Variants in HMCN1 observed in about 807,000 individuals in gnomAD.
The protein encoded by HMCN1 is hemicentin-1.
Under a neutral mutation model 625.9 loss-of-function variants are expected in HMCN1, and 321 were observed. The observed-to-expected ratio is 0.51, with a 90% CI of 0.47 to 0.56. HMCN1 has a LOEUF of 0.56. HMCN1 is among the 20% of genes least tolerant of loss of function. The probability of loss-of-function intolerance (pLI) is 0.00; values close to 1 mark genes in which losing one functional copy is unlikely to be tolerated. For synonymous variants in HMCN1, 2,425 were observed against 2,417.6 expected, an observed-to-expected ratio of 1.00 and a Z score of -0.09; for missense variants, 6,588 against 6,887.3, an observed-to-expected ratio of 0.96 and a Z score of 1.54.
At position 186,144,420 on chromosome 1, in the gene HMCN1, C is replaced by T. The variant is rs574704844; in HGVS notation, c.14095+77C>T. ...ATCTAGGTAGTATGTCAACAAGAAT[C>T]TATCCCATTCTAACTGTGCCCACAA... On this transcript the variant is annotated intron_variant, in intron 90 of 106. Transcript: ENST00000271588. 2.0e-5 allele frequency: 32 copies of T among 1,597,876 alleles called. No homozygotes were observed. In the East Asian group the frequency reaches 6.5e-4, roughly 32 times the overall value.
rs1651797758 is a variant in HMCN1, at chr1:186,165,133, C to T, written c.15279C>T (p.Pro5093=). ...ISKGDRSNQC[P]SGFTLDSVGP... ...TAGGAGATCGCAGTAATCAGTGCCC[C>T]TCCGGGTTTACCTTAGACTCAGTTG... Residue 5093 remains proline, a synonymous_variant, in exon 98 of 107, where the codon CCC becomes CCT. Transcript: ENST00000271588. 6.2e-7 allele frequency: 1 copy of T among 1,614,080 alleles called. No individual in the cohort carries two copies. Among genetic ancestry groups the T allele is most frequent in the Admixed American group, 1.7e-5 (1 of 60,028 alleles).
chr1:186,181,021 G>A (rs751558355), intron 104 of HMCN1, among the ~76,000 whole-genome samples: 3 of 152,154 alleles, frequency 2.0e-5, no homozygotes, highest in Admixed American at 6.6e-5. Flanking sequence ...TGATTCTAAA[G>A]CATAACAGGA....
intron 4 of HMCN1, among the ~76,000 whole-genome samples, chr1:185,893,783 C>T (rs1571517992): frequency 6.6e-6 from 1 of 152,194 alleles, no homozygotes; most frequent in Admixed American, 6.5e-5. Context: ...TTAAACTTTT[C>T]ATTGAAGAAT....
At chr1:185,813,006 AT>A (rs1397502568) in intron 1 of HMCN1, among the ~76,000 whole-genome samples, 1 of 152,150 alleles carries the variant, frequency 6.6e-6, no homozygotes. Context: ...GGACTTCCTG[AT>A]TGCATCTGAT....
chr1:186,031,210 A>C (rs1655411471), intron 36 of HMCN1, among the ~76,000 whole-genome samples: 1 of 151,966 alleles, frequency 6.6e-6, no homozygotes, highest in Non-Finnish European at 1.5e-5. Flanking sequence ...TCTTCCTAGA[A>C]TTCATTGCTT....
chr1:186,049,585 A>G (rs1656813329), intron 42 of HMCN1, among the ~76,000 whole-genome samples: 1 of 151,868 alleles, frequency 6.6e-6, no homozygotes, highest in South Asian at 2.1e-4. Context: ...AAGCATTCCT[A>G]TTTCCAGTAC....
chr1:185,861,200 G>A (rs1258823063), intron 2 of HMCN1, among the ~76,000 whole-genome samples: 1 of 152,084 alleles, frequency 6.6e-6, no homozygotes, highest in Non-Finnish European at 1.5e-5. Context: ...CAAGTCAAAC[G>A]GCTCAGAGAG....
At position 186,125,344 on chromosome 1, in the gene HMCN1, C is replaced by A. The variant is rs533093845; in HGVS notation, c.12500-260C>A. ...GGGAAGCCAAATAAAATCTAAAGAT[C>A]TTCTACCCAGTTCTGTCATTTGCTC... On this transcript the variant is annotated intron_variant, in intron 81 of 106. Coordinates refer to ENST00000271588, the MANE Select transcript of HMCN1 (RefSeq NM_031935.3). Among the ~76,000 whole-genome samples the A allele has an allele frequency of 7.9e-5, 12 of 152,176 alleles. No individual in the cohort carries two copies. The East Asian group carries it at 2.3e-3, about 29-fold the overall frequency.
chr1:186,096,962 T>C (rs529411853), intron 68 of HMCN1, among the ~76,000 whole-genome samples: 1 of 152,248 alleles, frequency 6.6e-6, no homozygotes, highest in South Asian at 2.1e-4. Flanking sequence ...GTTGAAAGCC[T>C]TTCCTACAAG....
At chr1:186,122,904 A>G (rs570155122) in intron 80 of HMCN1, 47 bp from the exon 81 acceptor site, 9 of 1,596,962 alleles carry the variant, frequency 5.6e-6, no homozygotes, top group Middle Eastern at 2.2e-4. Flanking sequence ...TTGCGCACTC[A>G]TGCTTCTAAG....
intron 11 of HMCN1, among the ~76,000 whole-genome samples, chr1:185,940,536 C>T (rs187056176): frequency 9.2e-5 from 14 of 152,286 alleles, no homozygotes; most frequent in Non-Finnish European, 1.6e-4. Context: ...AAAAAATAGA[C>T]CTTCTTTCTC....
chr1:185,997,412 A>G lies in HMCN1; in HGVS notation c.3779-17A>G. ...GCTCAAAGAAAGCCTGTGATAATGCATTTATTTTCCTAATAGAACCACCCA... is the reference window on the plus strand; with the variant it reads ...GCTCAAAGAAAGCCTGTGATAATGCGTTTATTTTCCTAATAGAACCACCCA... On this transcript the variant is annotated splice_polypyrimidine_tract_variant and intron_variant, in intron 24 of 106. Coordinates refer to ENST00000271588, the MANE Select transcript of HMCN1 (RefSeq NM_031935.3). 3 of 1,541,922 alleles carry G rather than the reference A, an allele frequency of 1.9e-6. No homozygotes were observed. Among genetic ancestry groups the G allele is most frequent in the South Asian group, 2.2e-5 (2 of 89,650 alleles).
chr1:186,093,066 G>T, intron 64 of HMCN1, 68 bp from the exon 65 acceptor site: 1 of 1,600,202 alleles, frequency 6.2e-7, no homozygotes, highest in Middle Eastern at 1.7e-4. Context: ...GATTTTAATA[G>T]GCTTTCATGT....
chr1:186,045,634 G>A lies in HMCN1; in HGVS notation c.6305-54G>A, dbSNP rs541789189. 8.3e-6 allele frequency: 11 copies of A among 1,327,736 alleles called. No homozygotes were observed. The South Asian group carries it at 1.2e-4, about 14-fold the overall frequency. The allele number at this position is 1,327,736 out of a possible 1,614,324, so 82.2% of individuals were successfully genotyped here. A position where few individuals can be genotyped will look rare whatever the true frequency, so the allele number is the denominator to read the frequency against. ...GTATATGTCCTGATAATTGATGAAT[G>A]TAAACAGTGTGCTGGCCTGTTTTAT... On this transcript the variant is annotated intron_variant, in intron 40 of 106. Coordinates refer to ENST00000271588, the MANE Select transcript of HMCN1 (RefSeq NM_031935.3).
chr1:185,968,867 T>A (rs1045743795), intron 14 of HMCN1, among the ~76,000 whole-genome samples: 7 of 152,176 alleles, frequency 4.6e-5, no homozygotes, highest in African/African-American at 1.7e-4. Flanking sequence ...AATAATTTGA[T>A]GAGTAACTTT....
chr1:186,087,522 G>T lies in HMCN1; in HGVS notation c.9240G>T (p.Glu3080Asp), dbSNP rs751644894. ...NVREGTSVSL[E>D]CESNAVPPPV... ...GAGAGGGAACTTCTGTGTCTTTGGAGTGTGAGTCGAACGCTGTGCCACCTC... is the reference window on the plus strand; with the variant it reads ...GAGAGGGAACTTCTGTGTCTTTGGATTGTGAGTCGAACGCTGTGCCACCTC... The change falls in exon 60 of 107, where the codon GAG (glutamate) becomes GAT (aspartate). Residue 3080 changes from glutamate to aspartate, a missense_variant. Physicochemically the swap from Glu to Asp is conservative, Grantham distance 45. Coordinates refer to ENST00000271588, the MANE Select transcript of HMCN1 (RefSeq NM_031935.3). 2 of 1,613,246 alleles carry T rather than the reference G, an allele frequency of 1.2e-6. No homozygotes were observed. The highest frequency in any genetic ancestry group is 1.3e-5 in the African/African-American group (1 of 74,856).
chr1:185,819,334 T>C lies in HMCN1; in HGVS notation c.269-26692T>C, dbSNP rs186748881. 7.6e-4 allele frequency among the ~76,000 whole-genome samples: 116 copies of C among 152,292 alleles called. 1 individual carries two copies. Among genetic ancestry groups the C allele is most frequent in the South Asian group, 4.1e-4 (2 of 4,830 alleles). On this transcript the variant is annotated intron_variant, in intron 1 of 106. Coordinates refer to ENST00000271588, the MANE Select transcript of HMCN1 (RefSeq NM_031935.3). ...GTCTTTTTCTAAACATTGAGGACCA[T>C]TGTAGGCATTTTCTTGATTTTAAAA...
chr1:185,924,885 G>A (rs970511664), intron 8 of HMCN1, among the ~76,000 whole-genome samples, 162 bp from the exon 9 acceptor site: 12 of 151,968 alleles, frequency 7.9e-5, no homozygotes, highest in African/African-American at 2.9e-4. Flanking sequence ...AACAAATAAA[G>A]ATAGAAAAAG....
chr1:186,089,849 T>C (rs994773123), intron 63 of HMCN1, among the ~76,000 whole-genome samples: 5 of 152,030 alleles, frequency 3.3e-5, no homozygotes, highest in Non-Finnish European at 5.9e-5. Flanking sequence ...AAAATTATTA[T>C]TTTCTGAATG....
Sources: gnomAD v4.1 joint callset for allele counts (sites outside exome capture counted in the v4.1 genomes callset) on GRCh38, gnomAD v4.1.1 for gene constraint, MANE v1.5 for transcripts, NCBI Gene and HGNC (gene_info 2026-07-23, HGNC 2026-07-21) for gene names.